TMC4: variants seen among roughly 807,000 people sequenced by gnomAD.
TMC4 encodes transmembrane channel like 4, also known as voltage-gated chloride channel TMC4.
In TMC4, 70 loss-of-function variants were observed where a neutral mutation model predicts 82.0. That is an observed-to-expected ratio of 0.85 (90% CI 0.70 to 1.04). The LOEUF is 1.04. Ranked by LOEUF, TMC4 falls within the 50% of genes least tolerant of loss-of-function variation. The pLI is 0.00. For synonymous variants in TMC4, 446 were observed against 406.0 expected (o/e 1.10, Z -1.18); for missense variants, 879 against 899.0 (o/e 0.98, Z 0.28).
chr19:54,163,276 G>T, intron 8 of TMC4, 117 bp from the exon 9 acceptor site: 1 of 1,166,284 alleles, frequency 8.6e-7, no homozygotes, highest in Non-Finnish European at 1.2e-6. Flanking sequence ...GAGGCCCAGT[G>T]ACAGAATCAG....
Position 54,171,872 on chromosome 19 carries a change from G to A in TMC4, c.291C>T (p.His97=), listed in dbSNP as rs904432620. 1 of 1,599,040 alleles carries A rather than the reference G, an allele frequency of 6.3e-7. No individual in the cohort carries two copies. Among genetic ancestry groups the A allele is most frequent in the Non-Finnish European group, 8.5e-7 (1 of 1,172,018 alleles). ...CCCAGCTGGAGGTGGGGCCTCACCT[G>A]TGTGCCCGTCTGGCCTGCATGGGCC... ...LPWPMQARRA[H]RQRNASRDQV... Residue 97 remains histidine (H), a splice_region_variant and synonymous_variant, in exon 2 of 15, where the codon CAC becomes CAT. Coordinates refer to ENST00000619895, the MANE Select transcript of TMC4 (RefSeq NM_144686.4).
intron 3 of TMC4, 25 bp from the exon 4 acceptor site, chr19:54,168,705 T>C: frequency 7.0e-7 from 1 of 1,431,852 alleles, no homozygotes. Flanking sequence ...AGAGAGAGGC[T>C]CAGGTTCCTT....
At chr19:54,163,280 G>T in intron 8 of TMC4, 121 bp from the exon 9 acceptor site, 35 of 1,052,066 alleles carry the variant, frequency 3.3e-5, no homozygotes, top group Non-Finnish European at 4.4e-5. Context: ...CCCAGTGACA[G>T]AATCAGGATT....
rs1287544981 is a variant in TMC4, at chr19:54,168,454, C to A, written c.669G>T (p.Ser223=). Residue 223 remains serine, a synonymous_variant, in exon 4 of 15, where the codon TCG becomes TCT. Coordinates refer to ENST00000619895, the MANE Select transcript of TMC4 (RefSeq NM_144686.4). ...TFATQLFNLL[S]GEGYLEWSPL... ...CAGGGACCCAGGCACCTACCTCACC[C>A]GAGAGCAAGTTGAAGAGCTGGGTGG... 1 of 1,543,752 alleles carries A rather than the reference C, an allele frequency of 6.5e-7. No homozygotes were observed. Among genetic ancestry groups the A allele is most frequent in the Non-Finnish European group, 8.7e-7 (1 of 1,143,690 alleles).
chr19:54,161,351 G>A lies in TMC4; in HGVS notation c.1687-91C>T, dbSNP rs370469683. ...TTTTTTTTTTTTGAGACAGAGTCTC[G>A]CTCTGTCGCCCAGGCTTTTTTTTTT... On this transcript the variant is annotated intron_variant, in intron 11 of 14. Coordinates refer to ENST00000619895, the MANE Select transcript of TMC4 (RefSeq NM_144686.4). 8.0e-5 allele frequency: 104 copies of A among 1,302,672 alleles called. 3 individuals carry two copies. In the South Asian group the frequency reaches 1.8e-3, roughly 22 times the overall value. 80.7% of individuals were successfully genotyped at this position (1,302,672 alleles called of 1,614,324 possible). A position where few individuals can be genotyped will look rare whatever the true frequency, so the allele number is the denominator to read the frequency against.
At chr19:54,169,750 G>T in intron 2 of TMC4, 90 bp from the exon 3 acceptor site, 1 of 1,529,906 alleles carries the variant, frequency 6.5e-7, no homozygotes, top group Non-Finnish European at 8.8e-7. Flanking sequence ...GTAGAATGGA[G>T]AAGTAAATTG....
chr19:54,163,041 G>A lies in TMC4; in HGVS notation c.1396C>T (p.Gln466Ter). 11 of 1,614,124 alleles carry A rather than the reference G, an allele frequency of 6.8e-6. No individual in the cohort carries two copies. The highest frequency in any genetic ancestry group is 9.3e-6 in the Non-Finnish European group (11 of 1,180,030). The change falls in exon 9 of 15, where the codon CAA becomes TAA. Residue 466 changes from glutamine to a stop codon, truncating the protein, a stop_gained. Coordinates refer to ENST00000619895, the MANE Select transcript of TMC4 (RefSeq NM_144686.4). LOFTEE classifies it high-confidence loss of function. ...DCKTCGYNYKQLPCWETVLGQ... is the reference protein window; with the variant it reads ...DCKTCGYNYK ...ACCCATGCCGTTCTCACCGGAAGTT[G>A]TTTGTAATTGTAGCCACAGGTTTTG...
At chr19:54,164,309 G>A (rs1181763249) in intron 7 of TMC4, 125 bp downstream of exon 7, 10 of 1,271,042 alleles carry the variant, frequency 7.9e-6, no homozygotes, top group Non-Finnish European at 7.7e-6. Flanking sequence ...TCCAGGGTCC[G>A]AACATACCCT....
At position 54,161,189 on chromosome 19, in the gene TMC4, G is replaced by A. The variant is rs1600548515; in HGVS notation, c.1758C>T (p.Pro586=). Residue 586 remains proline, a synonymous_variant, in exon 12 of 15, where the codon CCC becomes CCT. Coordinates refer to ENST00000619895, the MANE Select transcript of TMC4 (RefSeq NM_144686.4). ...FRASAANFFF[P]LVLLLGLAIS... ...TGGCCAGACCCAGGAGAAGGACCAA[G>A]GGGAAAAAGAAATTCGCCGCGGAGG... 4 of 1,594,666 alleles carry A rather than the reference G, an allele frequency of 2.5e-6. No individual in the cohort carries two copies. The African/African-American group carries it at 5.4e-5, about 22-fold the overall frequency.
At chr19:54,164,828 C>T in intron 6 of TMC4, 1 of 608,728 alleles carries the variant, frequency 1.6e-6, no homozygotes, top group Non-Finnish European at 2.8e-6. Context: ...CCCCATCCCT[C>T]CGCGGTCAAT....
chr19:54,163,676 A>G, intron 8 of TMC4, 48 bp downstream of exon 8: 2 of 1,606,166 alleles, frequency 1.2e-6, no homozygotes, highest in Non-Finnish European at 1.7e-6. Context: ...CATCCCTCTG[A>G]CCGCCCCCAC....
In TMC4 at chr19:54,162,258, C is replaced by A. The variant is rs901491649; in HGVS notation, c.1530G>T (p.Ala510=). The change falls in exon 11 of 15, where the codon GCG becomes GCT. Residue 510 remains alanine, a synonymous_variant. Coordinates refer to ENST00000619895, the MANE Select transcript of TMC4 (RefSeq NM_144686.4). ...CTTGGGTCCCCGCCAGACGACCCAG[C>A]GCCCCAGGACAGAGGCCACAGAGGA... ...RKLLCGLCPG[A]LGRLAGTQEF... 6.2e-7 allele frequency: 1 copy of A among 1,600,350 alleles called. No homozygotes were observed. Among genetic ancestry groups the A allele is most frequent in the Non-Finnish European group, 8.5e-7 (1 of 1,174,340 alleles).
In TMC4 at chr19:54,169,010, ATTTTTT is replaced by A. The variant is rs555232816; in HGVS notation, c.443-336_443-331del. Among the ~76,000 whole-genome samples the A allele has an allele frequency of 5.3e-3, 37 of 6,984 alleles. 5 individuals carry two copies. In the East Asian group the frequency reaches 0.12, roughly 23 times the overall value. 4.6% of individuals were successfully genotyped at this position (6,984 alleles called of 152,430 possible). ...TCTCTCTCTCTATATATATATATAT[ATTTTTT>A]TTTTTTTCTTTTCTTTTCTTTTCTT... is the stretch of plus-strand genomic sequence containing the variant. On this transcript the variant is annotated intron_variant, in intron 3 of 14. Transcript: ENST00000619895.
rs1309369158 is a variant in TMC4, at chr19:54,173,031, T to C, written c.79+8A>G. 1.2e-6 allele frequency: 2 copies of C among 1,610,596 alleles called. No homozygotes were observed. The highest frequency in any genetic ancestry group is 2.2e-5 in the East Asian group (1 of 44,750). On this transcript the variant is annotated splice_region_variant and intron_variant, in intron 1 of 14. Coordinates refer to ENST00000619895, the MANE Select transcript of TMC4 (RefSeq NM_144686.4). ...GGATGGATCTGAGCTTCTCCTGGCA[T>C]TCCCTACCTCCTCTGGCCTCCCGGG...
chr19:54,169,753 G>A, intron 2 of TMC4, 93 bp from the exon 3 acceptor site: 1 of 1,519,810 alleles, frequency 6.6e-7, no homozygotes, highest in Non-Finnish European at 8.8e-7. Flanking sequence ...GAATGGAGAA[G>A]TAAATTGTGG....
At position 54,165,503 on chromosome 19, in the gene TMC4, G is replaced by C; in HGVS notation, c.861C>G (p.His287Gln). The change falls in exon 6 of 15, where the codon CAC (histidine) becomes CAG (glutamine). Residue 287 changes from histidine (H) to glutamine (Q), a missense_variant. Coordinates refer to ENST00000619895, the MANE Select transcript of TMC4 (RefSeq NM_144686.4). ...AESEALTSYS[H>Q]RVFSAWDFGL... is the part of the protein sequence containing the mutation. ...CGAAGTCCCAGGCCGAGAACACCCGGTGGCTGTAGCTGGTCAGAGCCTCGG... is the reference window on the plus strand; with the variant it reads ...CGAAGTCCCAGGCCGAGAACACCCGCTGGCTGTAGCTGGTCAGAGCCTCGG... 2 of 1,612,994 alleles carry C rather than the reference G, an allele frequency of 1.2e-6. No individual in the cohort carries two copies. Among genetic ancestry groups the C allele is most frequent in the East Asian group, 2.2e-5 (1 of 44,842 alleles).
intron 2 of TMC4, 70 bp from the exon 3 acceptor site, chr19:54,169,730 C>T: frequency 1.3e-6 from 2 of 1,579,598 alleles, no homozygotes; most frequent in Non-Finnish European, 1.7e-6. Flanking sequence ...AATGTAGACA[C>T]AATCCAACAG....
chr19:54,170,334 A>C (rs1473185697), intron 2 of TMC4, among the ~76,000 whole-genome samples: 2 of 36,812 alleles, frequency 5.4e-5, no homozygotes, highest in African/African-American at 3.5e-4. Context: ...AGACTCTGTC[A>C]AAAAAAAAAA....
chr19:54,161,705 A>AT (rs535005132), intron 11 of TMC4, among the ~76,000 whole-genome samples: 664 of 151,876 alleles, frequency 4.4e-3, no homozygotes, highest in Non-Finnish European at 6.8e-3. Context: ...AGCCCGGCTA[A>AT]TTTTTTTTGT....
Sources: allele counts gnomAD v4.1 joint callset (sites outside exome capture counted in the v4.1 genomes callset), GRCh38; gene constraint gnomAD v4.1.1; transcripts MANE v1.5; gene names NCBI Gene and HGNC (gene_info 2026-07-23, HGNC 2026-07-21).